CUX1: variants seen among roughly 807,000 people sequenced by gnomAD.
The protein encoded by CUX1 is cut like homeobox 1.
CUX1 carries 31 observed loss-of-function variants against 158.8 expected under a neutral mutation model. The ratio of observed to expected loss-of-function variants is 0.20; its 90% CI spans 0.15 to 0.26. CUX1 has a LOEUF of 0.26. Ranked by LOEUF, CUX1 falls within the 10% of genes least tolerant of loss-of-function variation. The probability of loss-of-function intolerance (pLI) is 1.00; values close to 1 mark genes in which losing one functional copy is unlikely to be tolerated. For synonymous variants in CUX1, 879 were observed against 862.1 expected (o/e 1.02, Z -0.34); for missense variants, 1,589 against 2,014.6 (o/e 0.79, Z 4.04).
intron 3 of CUX1, among the ~76,000 whole-genome samples, chr7:102,059,053 C>CAG (rs1255223911): frequency 6.6e-6 from 1 of 152,202 alleles, no homozygotes; most frequent in African/African-American, 2.4e-5. Context: ...GATCTGCTGT[C>CAG]CTGGAGCATT....
intron 4 of CUX1, among the ~76,000 whole-genome samples, chr7:102,085,661 CT>C (rs1827886222): frequency 6.6e-6 from 1 of 152,170 alleles, no homozygotes; most frequent in Non-Finnish European, 1.5e-5. Flanking sequence ...ATTACCCAGT[CT>C]AGGGTATGTC....
chr7:102,283,184 A>C (rs568588886), exon 23 of CUX1: 11 of 1,022,448 alleles, frequency 1.1e-5, no homozygotes, highest in African/African-American at 1.6e-5. Context: ...AGAATCCCCC[A>C]TGGAAACTGC....
intron 14 of CUX1, among the ~76,000 whole-genome samples, chr7:102,267,028 C>T (rs1247250123): frequency 6.6e-6 from 1 of 152,004 alleles, no homozygotes; most frequent in Non-Finnish European, 1.5e-5. Context: ...TGCTGGAGAC[C>T]CCATTGCATA....
rs71106571 is a variant in CUX1 at position 101,852,667 on chromosome 7, ATTT to A, written c.30+35022_30+35024del. Among the ~76,000 whole-genome samples the A allele has an allele frequency of 6.1e-3, 460 of 75,986 alleles. 1 individual carries two copies. The highest frequency in any genetic ancestry group is 0.019 in the African/African-American group (434 of 23,234). The allele number at this position is 75,986 out of a possible 152,430, so 49.8% of individuals were successfully genotyped here. Reference sequence around the variant, plus strand: ...GTTTTCTTCTGTTCTCTGCGTTGGAATTTTTTTTTTTTTTTTTTTTTTTTTTGA... The same window carrying A: ...GTTTTCTTCTGTTCTCTGCGTTGGAATTTTTTTTTTTTTTTTTTTTTTTGA... On this transcript the variant is annotated intron_variant, in intron 1 of 23. Transcript: ENST00000292535.
At chr7:101,892,267 T>C (rs965249759) in intron 1 of CUX1, among the ~76,000 whole-genome samples, 1 of 152,252 alleles carries the variant, frequency 6.6e-6, no homozygotes, top group Non-Finnish European at 1.5e-5. Flanking sequence ...TGAAGTGGTG[T>C]AATGCTTTAG....
intron 3 of CUX1, among the ~76,000 whole-genome samples, chr7:102,043,980 T>C (rs1433593729): frequency 6.6e-6 from 1 of 152,084 alleles, no homozygotes; most frequent in African/African-American, 2.4e-5. Flanking sequence ...CTGTCAGCCG[T>C]TTGCATGTCT....
At chr7:102,093,211 G>A (rs1351096308) in intron 4 of CUX1, among the ~76,000 whole-genome samples, 2 of 120,976 alleles carry the variant, frequency 1.7e-5, no homozygotes, top group African/African-American at 6.9e-5. Flanking sequence ...AGGCTGGAGT[G>A]AGACCCTATC....
intron 11 of CUX1, among the ~76,000 whole-genome samples, chr7:102,183,421 C>T (rs1473956784): frequency 2.0e-5 from 3 of 152,080 alleles, no homozygotes; most frequent in African/African-American, 7.2e-5. Flanking sequence ...ATACACAGCA[C>T]CCACCCCATT....
chr7:101,905,990 C>CTT (rs748165561), intron 1 of CUX1, among the ~76,000 whole-genome samples: 3 of 144,968 alleles, frequency 2.1e-5, no homozygotes, highest in Admixed American at 6.9e-5. Context: ...GCCCAGCTAA[C>CTT]TTTTTTTTTT....
chr7:102,106,079 C>CTTTTTTTTTTT (rs782580660), intron 6 of CUX1, among the ~76,000 whole-genome samples: 3 of 72,270 alleles, frequency 4.2e-5, no homozygotes, highest in African/African-American at 6.0e-5. Flanking sequence ...TTTCTTTTTT[C>CTTTTTTTTTTT]TTTTTTTTTT....
chr7:102,039,919 A>C (rs1821877523), intron 3 of CUX1, among the ~76,000 whole-genome samples: 1 of 152,048 alleles, frequency 6.6e-6, no homozygotes, highest in African/African-American at 2.4e-5. Context: ...GGGACCAAGG[A>C]ATGATCTGAA....
At chr7:101,960,014 C>T (rs1050899560) in intron 2 of CUX1, 1 of 152,120 alleles carries the variant, frequency 6.6e-6, no homozygotes, top group Non-Finnish European at 1.5e-5. Flanking sequence ...GCGTAAGAAT[C>T]GCACGGTCCC....
rs186587121 is a variant in CUX1, at chr7:101,948,125, G to A, written c.141+31900G>A. 1.4e-3 allele frequency among the ~76,000 whole-genome samples: 206 copies of A among 152,278 alleles called. 1 individual carries two copies. Among genetic ancestry groups the A allele is most frequent in the African/African-American group, 4.9e-3 (203 of 41,556 alleles). Reference sequence around the variant, plus strand: ...GATTCGGCCAGGCGCCAAGAAATCAGCCCCAATTACTATATTCACATTGTC... The same window carrying A: ...GATTCGGCCAGGCGCCAAGAAATCAACCCCAATTACTATATTCACATTGTC... On this transcript the variant is annotated intron_variant, in intron 2 of 23. Transcript: ENST00000292535.
chr7:101,959,809 C>T (rs993098535), intron 2 of CUX1, among the ~76,000 whole-genome samples: 5 of 152,176 alleles, frequency 3.3e-5, no homozygotes, highest in African/African-American at 1.2e-4. Context: ...GATTTCACCG[C>T]GTACATATTC....
chr7:101,819,921 C>T (rs1438148575), intron 1 of CUX1, among the ~76,000 whole-genome samples: 2 of 152,140 alleles, frequency 1.3e-5, no homozygotes, highest in Non-Finnish European at 2.9e-5. Context: ...AGTCCAATAC[C>T]TTCAGGAATG....
In CUX1 at chr7:102,229,056, G is replaced by A. The variant is rs577860776; in HGVS notation, c.3433+1387G>A. On this transcript the variant is annotated intron_variant, in intron 21 of 23. Coordinates refer to ENST00000292535, the MANE Select transcript of CUX1 (RefSeq NM_181552.4). Reference sequence around the variant, plus strand: ...GCACCAGGCCCGACTGGTAATAATAGTCATTGTTATTTTATCATTGCTGTT... The same window carrying A: ...GCACCAGGCCCGACTGGTAATAATAATCATTGTTATTTTATCATTGCTGTT... 4.6e-5 allele frequency among the ~76,000 whole-genome samples: 7 copies of A among 152,322 alleles called. No individual in the cohort carries two copies. In the East Asian group the frequency reaches 1.2e-3, roughly 25 times the overall value.
At position 102,263,382 on chromosome 7, in the gene CUX1, C is replaced by A. The variant is rs28718794; in HGVS notation, c.1256-9984C>A. Among the ~76,000 whole-genome samples the A allele has an allele frequency of 7.8e-5, 10 of 128,506 alleles. No homozygotes were observed. In the East Asian group the frequency reaches 2.6e-3, roughly 33 times the overall value. The allele number at this position is 128,506 out of a possible 152,430, so 84.3% of individuals were successfully genotyped here. A position where few individuals can be genotyped will look rare whatever the true frequency, so the allele number is the denominator to read the frequency against. ...AGGCTAGAGTGCAGTGACACAATTTCAGCTCACTGCAACCTCCTCCTCCCA... is the reference window on the plus strand; with the variant it reads ...AGGCTAGAGTGCAGTGACACAATTTAAGCTCACTGCAACCTCCTCCTCCCA... On this transcript the variant is annotated intron_variant, in intron 14 of 22. Transcript: ENST00000292538.
In CUX1 at chr7:102,253,404, AAG is replaced by A. The variant is rs565924349; in HGVS notation, c.*4367_*4368del. 158 of 985,452 alleles carry A rather than the reference AAG, an allele frequency of 1.6e-4. 2 individuals are homozygous for A. The Middle Eastern group carries it at 3.7e-3, about 23-fold the overall frequency. 61.0% of individuals were successfully genotyped at this position (985,452 alleles called of 1,614,324 possible). A position where few individuals can be genotyped will look rare whatever the true frequency, so the allele number is the denominator to read the frequency against. On this transcript the variant is annotated 3_prime_UTR_variant, in exon 24 of 24. Coordinates refer to ENST00000292535, the MANE Select transcript of CUX1 (RefSeq NM_181552.4). ...GATTATGCCACAGCCAGGCCCTAAA[AAG>A]AGAGGGGAACAGGAGTCCCCAGGTG...
chr7:102,012,258 G>C (rs933223825), intron 2 of CUX1, among the ~76,000 whole-genome samples: 14 of 152,162 alleles, frequency 9.2e-5, no homozygotes, highest in African/African-American at 2.9e-4. Flanking sequence ...TGCGATCTCG[G>C]CTCACTGCAA....
Sources: gnomAD v4.1 joint callset for allele counts (sites outside exome capture counted in the v4.1 genomes callset) on GRCh38, gnomAD v4.1.1 for gene constraint, MANE v1.5 for transcripts, NCBI Gene and HGNC (gene_info 2026-07-23, HGNC 2026-07-21) for gene names.